Variants in LARP1B observed in about 807,000 individuals in gnomAD.
LARP1B encodes the protein la-related protein 1B.
Under a neutral mutation model 114.2 loss-of-function variants are expected in LARP1B, and 76 were observed. The ratio of observed to expected loss-of-function variants is 0.67; its 90% CI spans 0.55 to 0.81. The LOEUF is 0.81. LARP1B is among the 30% of genes least tolerant of loss of function. The probability of loss-of-function intolerance (pLI) is 0.00; values close to 1 mark genes in which losing one functional copy is unlikely to be tolerated. For missense variants in LARP1B, 1,014 were observed against 1,075.8 expected (o/e 0.94, Z 0.80); for synonymous variants, 345 against 348.0 (o/e 0.99, Z 0.10).
chr4:128,163,070 A>G (rs1739188399), intron 12 of LARP1B, among the ~76,000 whole-genome samples: 1 of 152,148 alleles, frequency 6.6e-6, no homozygotes, highest in African/African-American at 2.4e-5. Context: ...TTAGATATCT[A>G]GTGTTCAAAT....
intron 4 of LARP1B, among the ~76,000 whole-genome samples, chr4:128,081,432 A>G (rs1235982062): frequency 1.4e-5 from 2 of 142,838 alleles, no homozygotes; most frequent in Non-Finnish European, 3.0e-5. Context: ...ATTGTCATTG[A>G]AGTATTTTGG....
At chr4:128,110,079 T>G (rs528927686) in intron 9 of LARP1B, among the ~76,000 whole-genome samples, 53 of 152,212 alleles carry the variant, frequency 3.5e-4, no homozygotes, top group African/African-American at 1.1e-3. Flanking sequence ...TATTTTTGTA[T>G]TTTTAGTAGA....
intron 12 of LARP1B, among the ~76,000 whole-genome samples, chr4:128,173,476 T>A (rs1405051054): frequency 1.3e-5 from 2 of 152,176 alleles, no homozygotes; most frequent in South Asian, 2.1e-4. Flanking sequence ...CAGCATAATA[T>A]TGAGTTTTAT....
chr4:128,087,456 A>G (rs1288414332), intron 5 of LARP1B, among the ~76,000 whole-genome samples: 1 of 152,190 alleles, frequency 6.6e-6, no homozygotes, highest in Admixed American at 6.5e-5. Flanking sequence ...TTTCCAATAT[A>G]TTATGAAAAA....
intron 11 of LARP1B, among the ~76,000 whole-genome samples, chr4:128,146,298 A>G (rs1391314792): frequency 6.6e-6 from 1 of 152,190 alleles, no homozygotes; most frequent in Non-Finnish European, 1.5e-5. Flanking sequence ...AATAATTGGT[A>G]TAGAAATGAA....
At chr4:128,178,960 C>T (rs1014589273) in intron 14 of LARP1B, among the ~76,000 whole-genome samples, 1 of 152,020 alleles carries the variant, frequency 6.6e-6, no homozygotes, top group African/African-American at 2.4e-5. Flanking sequence ...GGCGTGGTGG[C>T]GTGTGCCTGT....
intron 15 of LARP1B, among the ~76,000 whole-genome samples, chr4:128,187,788 G>T (rs944177425): frequency 6.6e-6 from 1 of 152,142 alleles, no homozygotes; most frequent in Non-Finnish European, 1.5e-5. Context: ...GGGCCTGGTG[G>T]GAGGTGATTG....
At chr4:128,170,080 T>C (rs145163791) in intron 12 of LARP1B, among the ~76,000 whole-genome samples, 2 of 152,340 alleles carry the variant, frequency 1.3e-5, no homozygotes, top group East Asian at 3.8e-4. Context: ...TAGGAGTGTA[T>C]TCGGTGTAAT....
At chr4:128,213,704 T>G (rs1033367285), downstream of LARP1B, among the ~76,000 whole-genome samples, 3 of 152,222 alleles carry the variant, frequency 2.0e-5, no homozygotes, top group African/African-American at 7.2e-5. Context: ...AAGGCAATGC[T>G]AAAAATGTTA....
At chr4:128,167,105 G>A (rs910751812) in intron 12 of LARP1B, among the ~76,000 whole-genome samples, 3 of 150,374 alleles carry the variant, frequency 2.0e-5, no homozygotes, top group Non-Finnish European at 4.5e-5. Flanking sequence ...TATCATAAGT[G>A]GACTCATACT....
intron 11 of LARP1B, among the ~76,000 whole-genome samples, chr4:128,156,541 C>T (rs1451691872): frequency 4.6e-5 from 7 of 152,160 alleles, no homozygotes; most frequent in African/African-American, 1.4e-4. Context: ...ATCACTGCCA[C>T]ACTCTCCATC....
intron 19 of LARP1B, among the ~76,000 whole-genome samples, chr4:128,207,740 T>C (rs780113015): frequency 3.3e-5 from 5 of 152,266 alleles, no homozygotes; most frequent in African/African-American, 4.8e-5. Flanking sequence ...ATATAATTCC[T>C]GTAACATGTG....
chr4:128,110,946 G>A (rs1383375706), intron 9 of LARP1B, among the ~76,000 whole-genome samples: 3 of 151,918 alleles, frequency 2.0e-5, no homozygotes, highest in Non-Finnish European at 4.4e-5. Context: ...GTGTGGGGGT[G>A]TACACCTGTA....
At chr4:128,188,754 C>T (rs1375069245) in intron 15 of LARP1B, among the ~76,000 whole-genome samples, 2 of 152,148 alleles carry the variant, frequency 1.3e-5, no homozygotes, top group Non-Finnish European at 2.9e-5. Flanking sequence ...CTTTATTAAT[C>T]TGTTGATCAT....
At chr4:128,168,045 C>G (rs1741902007) in intron 12 of LARP1B, among the ~76,000 whole-genome samples, 1 of 151,938 alleles carries the variant, frequency 6.6e-6, no homozygotes, top group Admixed American at 6.6e-5. Flanking sequence ...GGTTGTGTTC[C>G]TGTTTTTGGT....
intron 1 of LARP1B, among the ~76,000 whole-genome samples, chr4:128,063,930 G>C (rs888264584): frequency 6.6e-6 from 1 of 152,026 alleles, no homozygotes; most frequent in Admixed American, 6.6e-5. Flanking sequence ...ATATTTGAGC[G>C]TGTTTACTGG....
chr4:128,082,499 T>G (rs1252380341), intron 5 of LARP1B, among the ~76,000 whole-genome samples, 194 bp downstream of exon 5: 2 of 152,202 alleles, frequency 1.3e-5, no homozygotes, highest in African/African-American at 4.8e-5. Context: ...AAACTTAACA[T>G]TAATACAATG....
chr4:128,120,283 G>C (rs1178669459), intron 10 of LARP1B, among the ~76,000 whole-genome samples: 1 of 152,020 alleles, frequency 6.6e-6, no homozygotes, highest in African/African-American at 2.4e-5. Context: ...CCTAGACATA[G>C]GAAGTTAGCA....
chr4:128,170,631 C>A (rs1188786582), intron 12 of LARP1B, among the ~76,000 whole-genome samples: 1 of 152,094 alleles, frequency 6.6e-6, no homozygotes, highest in Non-Finnish European at 1.5e-5. Flanking sequence ...TTTAATATAG[C>A]CATTCCAGCT....
Sources: gnomAD v4.1 joint callset for allele counts (sites outside exome capture counted in the v4.1 genomes callset) on GRCh38, gnomAD v4.1.1 for gene constraint, MANE v1.5 for transcripts, NCBI Gene and HGNC (gene_info 2026-07-23, HGNC 2026-07-21) for gene names.